Variants in RNPS1 observed in about 807,000 individuals in gnomAD.
RNPS1 encodes RNA binding protein with serine rich domain 1.
For missense variants in RNPS1, 300 were observed against 427.6 expected, an observed-to-expected ratio of 0.70 and a Z score of 2.63; for synonymous variants, 147 against 150.0, an observed-to-expected ratio of 0.98 and a Z score of 0.15.
chr16:2,267,088 T>G (rs985785571), intron 1 of RNPS1: 51 of 789,008 alleles, frequency 6.5e-5, no homozygotes, highest in Non-Finnish European at 6.9e-5. Flanking sequence ...TCTTAAGCAC[T>G]CCAAACACTA....
chr16:2,254,691 A>G (rs544314989), intron 7 of RNPS1, among the ~76,000 whole-genome samples: 2 of 151,004 alleles, frequency 1.3e-5, no homozygotes, highest in African/African-American at 4.9e-5. Context: ...TCAGCCTCCC[A>G]AAGTGCTGGG....
intron 1 of RNPS1, chr16:2,267,184 G>A (rs1290403583): frequency 1.0e-6 from 1 of 985,292 alleles, no homozygotes; most frequent in Non-Finnish European, 1.2e-6. Context: ...CCCAAGTTCA[G>A]GTACCGGCTC....
intron 6 of RNPS1, 159 bp from the exon 7 acceptor site, chr16:2,255,885 T>C: frequency 1.3e-6 from 1 of 752,602 alleles, no homozygotes; most frequent in South Asian, 1.7e-5. Flanking sequence ...CCCAGCACTT[T>C]GGGAAGCTGA....
At chr16:2,261,515 G>T (rs1196197830) in intron 6 of RNPS1, among the ~76,000 whole-genome samples, 3 of 152,202 alleles carry the variant, frequency 2.0e-5, no homozygotes, top group Non-Finnish European at 4.4e-5. Flanking sequence ...ACATATACAT[G>T]CATGATAAAA....
chr16:2,267,853 CCGACCACTTCCGGGCCACGGCCT>C (rs2093631772), intron 1 of RNPS1, 179 bp downstream of exon 1: 1 of 1,515,446 alleles, frequency 6.6e-7, no homozygotes. Context: ...CGCAGCGGCC[CCGACCACTTCCGGGCCACGGCCT>C]CGACACCTCC....
At chr16:2,263,036 C>T (rs1332080062) in intron 4 of RNPS1, 60 bp downstream of exon 4, 17 of 1,561,726 alleles carry the variant, frequency 1.1e-5, no homozygotes, top group Admixed American at 1.8e-5. Flanking sequence ...TTTATAACCT[C>T]GATGGTAAAT....
In RNPS1 at chr16:2,262,796, G is replaced by C; in HGVS notation, c.466C>G (p.Pro156Ala). 6.2e-7 allele frequency: 1 copy of C among 1,613,818 alleles called. No individual in the cohort carries two copies. ...RDEKERKRRS[P>A]SPKPTKVHIG... is the part of the protein sequence containing the mutation. ...TGCACTTTGGTGGGCTTAGGAGATGGGCTCCGCCTTTTCCTCTCCTTTTCA... is the reference window on the plus strand; with the variant it reads ...TGCACTTTGGTGGGCTTAGGAGATGCGCTCCGCCTTTTCCTCTCCTTTTCA... Residue 156 changes from proline to alanine, a missense_variant, in exon 5 of 8, where the codon CCA (proline) becomes GCA (alanine). Transcript: ENST00000320225.
intron 6 of RNPS1, among the ~76,000 whole-genome samples, chr16:2,260,363 C>T (rs1741074333): frequency 6.6e-6 from 1 of 151,956 alleles, no homozygotes; most frequent in Admixed American, 6.6e-5. Context: ...ACGATGTTGG[C>T]CACGCTGGTC....
At chr16:2,259,229 A>G (rs953469131) in intron 6 of RNPS1, among the ~76,000 whole-genome samples, 11 of 152,208 alleles carry the variant, frequency 7.2e-5, no homozygotes, top group African/African-American at 2.7e-4. Flanking sequence ...GCACTACCAA[A>G]TATAAAATTG....
rs1458998055 is a variant in RNPS1 at position 2,268,077 on chromosome 16, C to A, written c.-140G>T. 6.5e-7 allele frequency: 1 copy of A among 1,535,472 alleles called. No homozygotes were observed. The highest frequency in any genetic ancestry group is 8.7e-7 in the Non-Finnish European group (1 of 1,146,678). ...TACATCTTCCCGCCGCCGCCACCTCCTCCTGCTTTCCTCAGCCGCCGAGGC... is the reference window on the plus strand; with the variant it reads ...TACATCTTCCCGCCGCCGCCACCTCATCCTGCTTTCCTCAGCCGCCGAGGC... On this transcript the variant is annotated 5_prime_UTR_variant, in exon 1 of 8. It adds an upstream start codon to the 5' untranslated region. Coordinates refer to ENST00000320225, the MANE Select transcript of RNPS1 (RefSeq NM_080594.4).
rs1363218989 is a variant in RNPS1 at position 2,268,045 on chromosome 16, C to T, written c.-118+10G>A. The T allele has an allele frequency of 3.7e-5, 57 of 1,534,348 alleles. No homozygotes were observed. Among genetic ancestry groups the T allele is most frequent in the Non-Finnish European group, 4.6e-5 (53 of 1,146,674 alleles). On this transcript the variant is annotated intron_variant, in intron 1 of 7. Coordinates refer to ENST00000320225, the MANE Select transcript of RNPS1 (RefSeq NM_080594.4). ...AAACACGGATGCAGTCGGATTCCGC[C>T]CCAACTTACATCTTCCCGCCGCCGC...
Position 2,262,754 on chromosome 16 carries a change from G to C in RNPS1, c.508C>G (p.Arg170Gly). Residue 170 changes from arginine (R) to glycine (G), a missense_variant, in exon 5 of 8, where the codon CGG becomes GGG. By Grantham distance (125) the Arg-to-Gly change is moderately radical. Transcript: ENST00000320225. ...PTKVHIGRLT[R>G]NVTKDHIMEI... is the part of the protein sequence containing the mutation. Reference sequence around the variant, plus strand: ...ATGATCCTCACCTTTGTCACATTCCGGGTGAGTCTCCCAATGTGCACTTTG... The same window carrying C: ...ATGATCCTCACCTTTGTCACATTCCCGGTGAGTCTCCCAATGTGCACTTTG... The C allele has an allele frequency of 1.2e-6, 2 of 1,612,600 alleles. No homozygotes were observed. Among genetic ancestry groups the C allele is most frequent in the Non-Finnish European group, 1.7e-6 (2 of 1,179,684 alleles).
At chr16:2,267,980 C>G in intron 1 of RNPS1, 75 bp downstream of exon 1, 2 of 1,533,360 alleles carry the variant, frequency 1.3e-6, no homozygotes, top group South Asian at 2.4e-5. Flanking sequence ...AGTGGACCGG[C>G]TTCACGAGGC....
chr16:2,267,829 G>A lies in RNPS1; in HGVS notation c.-118+226C>T, dbSNP rs2093631561. 33 of 1,500,430 alleles carry A rather than the reference G, an allele frequency of 2.2e-5. 1 individual carries two copies. The South Asian group carries it at 3.4e-4, about 16-fold the overall frequency. 92.9% of individuals were successfully genotyped at this position (1,500,430 alleles called of 1,614,324 possible). A position where few individuals can be genotyped will look rare whatever the true frequency, so the allele number is the denominator to read the frequency against. Reference sequence around the variant, plus strand: ...GCCACCGCCGAGCGGACGAAGCACAGGCGCCCTTCCGTCCGCAGCGGCCCC... The same window carrying A: ...GCCACCGCCGAGCGGACGAAGCACAAGCGCCCTTCCGTCCGCAGCGGCCCC... On this transcript the variant is annotated intron_variant, in intron 1 of 7. Coordinates refer to ENST00000320225, the MANE Select transcript of RNPS1 (RefSeq NM_080594.4).
At position 2,264,674 on chromosome 16, in the gene RNPS1, T is replaced by C. The variant is rs758363997; in HGVS notation, c.-31A>G. ...CCTTCTGAGGTGTTCAAAGCAGCAA[T>C]GGCGGCCTCACTTATCTGAACTCTC... On this transcript the variant is annotated 5_prime_UTR_variant, in exon 2 of 8. Coordinates refer to ENST00000320225, the MANE Select transcript of RNPS1 (RefSeq NM_080594.4). 5 of 1,607,862 alleles carry C rather than the reference T, an allele frequency of 3.1e-6. No individual in the cohort carries two copies. Among genetic ancestry groups the C allele is most frequent in the African/African-American group, 2.7e-5 (2 of 74,752 alleles).
chr16:2,263,015 T>A, intron 4 of RNPS1, 81 bp downstream of exon 4: 1 of 1,472,454 alleles, frequency 6.8e-7, no homozygotes, highest in Non-Finnish European at 9.3e-7. Context: ...AAAGACTCCT[T>A]TTGGGTCCCT....
Position 2,253,467 on chromosome 16 carries a change from G to C in RNPS1, c.*497C>G, listed in dbSNP as rs1804277. On this transcript the variant is annotated 3_prime_UTR_variant, in exon 8 of 8. Transcript: ENST00000320225. Reference sequence around the variant, plus strand: ...CGAGCAGCAACTACCATGGGTGAGAGGATCTTTGAGGGGGTGTGACCCTTG... The same window carrying C: ...CGAGCAGCAACTACCATGGGTGAGACGATCTTTGAGGGGGTGTGACCCTTG... The C allele has an allele frequency of 1.4e-3, 299 of 216,034 alleles. 4 individuals are homozygous for C. The highest frequency in any genetic ancestry group is 0.013 in the South Asian group (219 of 16,796). 13.4% of individuals were successfully genotyped at this position (216,034 alleles called of 1,614,324 possible). A position where few individuals can be genotyped will look rare whatever the true frequency, so the allele number is the denominator to read the frequency against.
chr16:2,267,073 G>A (rs1445436550), intron 1 of RNPS1: 1 of 643,208 alleles, frequency 1.6e-6, no homozygotes, highest in Non-Finnish European at 1.9e-6. Context: ...AACACCACCA[G>A]TTATTCTTAA....
chr16:2,255,278 T>TGG (rs2093572754), intron 7 of RNPS1, among the ~76,000 whole-genome samples: 2 of 152,028 alleles, frequency 1.3e-5, no homozygotes, highest in Non-Finnish European at 2.9e-5. Context: ...TCCTAGCTCT[T>TGG]CTTGTTAGCT....
Sources: gnomAD v4.1 joint callset for allele counts (sites outside exome capture counted in the v4.1 genomes callset) on GRCh38, gnomAD v4.1.1 for gene constraint, MANE v1.5 for transcripts, NCBI Gene and HGNC (gene_info 2026-07-23, HGNC 2026-07-21) for gene names.